PDHA1: variants seen among roughly 807,000 people sequenced by gnomAD.
PDHA1 encodes pyruvate dehydrogenase E1 component subunit alpha, somatic form, mitochondrial.
Under a neutral mutation model 33.0 loss-of-function variants are expected in PDHA1, and 1 was observed. The ratio of observed to expected loss-of-function variants is 0.03; its 90% CI spans 0.01 to 0.14. PDHA1 has a LOEUF of 0.14. Ranked by LOEUF, PDHA1 falls within the 10% of genes least tolerant of loss-of-function variation. The pLI is 1.00. For missense variants in PDHA1, 168 were observed against 325.1 expected (o/e 0.52, Z 3.72); for synonymous variants, 123 against 119.2 (o/e 1.03, Z -0.21).
rs376828579 is a variant in PDHA1 at position 19,350,441 on chromosome X, T to A, written c.291+331T>A. 9.0e-5 allele frequency among the ~76,000 whole-genome samples: 10 copies of A among 111,481 alleles called. No individual in the cohort carries two copies. The East Asian group carries it at 1.1e-3, about 13-fold the overall frequency. On this transcript the variant is annotated intron_variant, in intron 3 of 10. Coordinates refer to ENST00000422285, the MANE Select transcript of PDHA1 (RefSeq NM_000284.4). Reference sequence around the variant, plus strand: ...CCAACACACCCAGCTAATTTTTGTATTTTTTGGAGATACGGGGTTTCACTA... The same window carrying A: ...CCAACACACCCAGCTAATTTTTGTAATTTTTGGAGATACGGGGTTTCACTA...
At chrX:19,346,470 C>T (rs1479232308) in intron 1 of PDHA1, 3 of 415,400 alleles carry the variant, frequency 7.2e-6, no homozygotes, top group Non-Finnish European at 1.3e-5. Flanking sequence ...CATGTGCCAC[C>T]ACCACACCCA....
At chrX:19,345,348 A>G (rs1014704414) in intron 1 of PDHA1, among the ~76,000 whole-genome samples, 10 of 109,884 alleles carry the variant, frequency 9.1e-5, no homozygotes, top group Non-Finnish European at 1.7e-4. Flanking sequence ...AGGCAGGTGG[A>G]TCACCTGAGG....
chrX:19,349,250 A>G lies in PDHA1; in HGVS notation c.58-62A>G, dbSNP rs377091840. ...CTTCATTCTGATAACTGATTATTAT[A>G]CTTTCCAAAATAGCTGACAATTAAA... is the stretch of plus-strand genomic sequence containing the variant. On this transcript the variant is annotated intron_variant, in intron 1 of 10. Coordinates refer to ENST00000422285, the MANE Select transcript of PDHA1 (RefSeq NM_000284.4). The G allele has an allele frequency of 3.1e-4, 234 of 756,219 alleles. 1 individual carries two copies. The African/African-American group carries it at 4.3e-3, about 14-fold the overall frequency. The allele number at this position is 756,219 out of a possible 1,213,427, so 62.3% of individuals were successfully genotyped here. A position where few individuals can be genotyped will look rare whatever the true frequency, so the allele number is the denominator to read the frequency against.
At chrX:19,356,712 A>C (rs1318388187) in intron 8 of PDHA1, among the ~76,000 whole-genome samples, 1 of 88,702 alleles carries the variant, frequency 1.1e-5, no homozygotes, top group Non-Finnish European at 1.9e-5. Context: ...TGACTTTCCC[A>C]AACAGATAAC....
At chrX:19,346,418 C>T (rs2063134341) in intron 1 of PDHA1, 5 of 331,616 alleles carry the variant, frequency 1.5e-5, no homozygotes, top group Middle Eastern at 7.9e-4. Context: ...TGGGCTCAAG[C>T]GATCCTCCTG....
In PDHA1 at chrX:19,357,430, C is replaced by T. The variant is rs1052907913; in HGVS notation, c.832-222C>T. 2.3e-5 allele frequency: 10 copies of T among 435,735 alleles called. No individual in the cohort carries two copies. In the South Asian group the frequency reaches 3.2e-4, roughly 14 times the overall value. 35.9% of individuals were successfully genotyped at this position (435,735 alleles called of 1,213,427 possible). On this transcript the variant is annotated intron_variant, in intron 8 of 10. Transcript: ENST00000422285. ...TTTTTGATTCAAAACAAGCTGTTGG[C>T]AGATTGCCTTATTAAAAATGAGAAA...
intron 9 of PDHA1, among the ~76,000 whole-genome samples, chrX:19,357,963 C>CTTAA (rs1208849302): frequency 9.0e-6 from 1 of 111,730 alleles, no homozygotes; most frequent in Non-Finnish European, 1.9e-5. Flanking sequence ...TGTTATATAC[C>CTTAA]TTAATTGTAG....
intron 5 of PDHA1, among the ~76,000 whole-genome samples, chrX:19,353,964 T>C (rs1268492396): frequency 9.0e-6 from 1 of 111,387 alleles, no homozygotes; most frequent in Non-Finnish European, 1.9e-5. Context: ...TATTTTTCCT[T>C]TTGAAATGGA....
Position 19,361,121 on chromosome X carries a change from C to T in PDHA1, c.*1468C>T. On this transcript the variant is annotated 3_prime_UTR_variant, in exon 11 of 11. Transcript: ENST00000422285. ...GTGCCTCCACCCACTCCCAGCCAGGCATTAATGGCAGGAGATTGGCCAGCT... is the reference window on the plus strand; with the variant it reads ...GTGCCTCCACCCACTCCCAGCCAGGTATTAATGGCAGGAGATTGGCCAGCT... 1 of 422,900 alleles carries T rather than the reference C, an allele frequency of 2.4e-6. No individual in the cohort carries two copies. The highest frequency in any genetic ancestry group is 4.1e-6 in the Non-Finnish European group (1 of 245,417). The allele number at this position is 422,900 out of a possible 1,213,427, so 34.9% of individuals were successfully genotyped here. A position where few individuals can be genotyped will look rare whatever the true frequency, so the allele number is the denominator to read the frequency against.
chrX:19,345,059 G>C (rs2063121657), intron 1 of PDHA1, among the ~76,000 whole-genome samples: 1 of 111,041 alleles, frequency 9.0e-6, no homozygotes, highest in South Asian at 3.8e-4. Flanking sequence ...GTGGGGGGTA[G>C]AGTTTAGCAC....
chrX:19,361,216 C>G lies in PDHA1; in HGVS notation c.*1563C>G, dbSNP rs7883708. 2.8e-3 allele frequency: 1,588 copies of G among 572,331 alleles called. 14 individuals carry two copies. The African/African-American group carries it at 0.032, about 11-fold the overall frequency. 47.2% of individuals were successfully genotyped at this position (572,331 alleles called of 1,213,427 possible). On this transcript the variant is annotated 3_prime_UTR_variant, in exon 11 of 11. Coordinates refer to ENST00000422285, the MANE Select transcript of PDHA1 (RefSeq NM_000284.4). ...TTTCTGCCCCACCTTGGCTTTTTCC[C>G]AGCTTGAACCTAATAGAACTCCAGA... is the stretch of plus-strand genomic sequence containing the variant.
In PDHA1 at chrX:19,351,362, T is replaced by C; in HGVS notation, c.373T>C (p.Phe125Leu). Residue 125 changes from phenylalanine (F) to leucine (L), a missense_variant, in exon 4 of 11, where the codon TTC (phenylalanine) becomes CTC (leucine). By Grantham distance (22) the Phe-to-Leu change is conservative. Around this residue, in one of 5 missense-constraint regions of PDHA1, gnomAD observed 35 missense variants for 148.5 expected, o/e 0.24. Coordinates refer to ENST00000422285, the MANE Select transcript of PDHA1 (RefSeq NM_000284.4). ...ITAYRAHGFT[F>L]TRGLSVREIL... ...AGCCTACCGGGCTCACGGCTTTACT[T>C]TCACCCGGGGCCTTTCCGTCCGAGA... is the stretch of plus-strand genomic sequence containing the variant. 1 of 1,210,670 alleles carries C rather than the reference T, an allele frequency of 8.3e-7. No homozygotes were observed. The highest frequency in any genetic ancestry group is 1.1e-6 in the Non-Finnish European group (1 of 894,486).
At position 19,361,618 on chromosome X, in the gene PDHA1, A is replaced by T. The variant is rs1463513229; in HGVS notation, c.*1965A>T. On this transcript the variant is annotated 3_prime_UTR_variant, in exon 11 of 11. Transcript: ENST00000422285. ...CCTGTAACGATTGGCAATTTGTTAT[A>T]TATTAGTCTAACCATAAAACTCTTC... 9.5e-7 allele frequency: 1 copy of T among 1,048,946 alleles called. No individual in the cohort carries two copies. The highest frequency in any genetic ancestry group is 1.9e-5 in the African/African-American group (1 of 53,807). The allele number at this position is 1,048,946 out of a possible 1,213,427, so 86.4% of individuals were successfully genotyped here. A position where few individuals can be genotyped will look rare whatever the true frequency, so the allele number is the denominator to read the frequency against.
intron 4 of PDHA1, among the ~76,000 whole-genome samples, chrX:19,352,320 C>T (rs1047974797): frequency 2.8e-5 from 3 of 108,317 alleles, no homozygotes; most frequent in African/African-American, 3.4e-5. Context: ...CTGCAGCCTC[C>T]GCCCCCCGGG....
chrX:19,351,490 A>G, intron 4 of PDHA1, 83 bp downstream of exon 4: 2 of 887,507 alleles, frequency 2.3e-6, no homozygotes, highest in Admixed American at 2.8e-5. Flanking sequence ...ATGAGTTAAT[A>G]TTTGTTAAAA....
intron 8 of PDHA1, among the ~76,000 whole-genome samples, chrX:19,356,893 A>C (rs956171247): frequency 3.5e-4 from 39 of 111,961 alleles, no homozygotes; most frequent in Non-Finnish European, 2.3e-4. Context: ...TCTCCACCCC[A>C]GTGTTCAGAG....
At chrX:19,353,213 C>T in intron 5 of PDHA1, 40 bp downstream of exon 5, 2 of 1,079,121 alleles carry the variant, frequency 1.9e-6, no homozygotes, top group Non-Finnish European at 2.6e-6. Context: ...TTAGATTTGG[C>T]CCTGGACTTT....
chrX:19,357,534 A>C, intron 8 of PDHA1, 118 bp from the exon 9 acceptor site: 1 of 592,547 alleles, frequency 1.7e-6, no homozygotes, highest in Non-Finnish European at 3.0e-6. Flanking sequence ...AACTCAGAAG[A>C]TCTGATAAGA....
intron 3 of PDHA1, 107 bp from the exon 4 acceptor site, chrX:19,351,174 T>C (rs1405164258): frequency 3.7e-6 from 3 of 801,631 alleles, no homozygotes; most frequent in Non-Finnish European, 5.6e-6. Context: ...TCTCTGGTTA[T>C]TAATGACAGG....
Sources: gnomAD v4.1 joint callset for allele counts (sites outside exome capture counted in the v4.1 genomes callset) on GRCh38, gnomAD v4.1.1 for gene constraint, gnomAD v4.1.1 regional missense constraint, MANE v1.5 for transcripts, NCBI Gene and HGNC (gene_info 2026-07-23, HGNC 2026-07-21) for gene names.